WDTC1: variants seen among roughly 807,000 people sequenced by gnomAD.
The protein encoded by WDTC1 is WD and tetratricopeptide repeats protein 1.
In WDTC1, 12 loss-of-function variants were observed where a neutral mutation model predicts 76.0. The observed-to-expected ratio is 0.16, with a 90% CI of 0.10 to 0.26. The LOEUF (loss-of-function observed/expected upper bound fraction) is 0.26, where lower values mean the gene tolerates loss of function less well. Among genes scored for constraint, WDTC1 ranks in the 10% least tolerant of loss-of-function variants. The probability of loss-of-function intolerance (pLI) is 1.00; values close to 1 mark genes in which losing one functional copy is unlikely to be tolerated. For missense variants in WDTC1, 511 were observed against 908.8 expected (o/e 0.56, Z 5.63); for synonymous variants, 326 against 350.8 (o/e 0.93, Z 0.79).
intron 1 of WDTC1, among the ~76,000 whole-genome samples, chr1:27,235,972 G>C (rs2147892450): frequency 6.6e-6 from 1 of 152,190 alleles, no homozygotes; most frequent in African/African-American, 2.4e-5. Context: ...TTCTAACAAA[G>C]CCTGAAACCG....
intron 1 of WDTC1, 52 bp from the exon 2 acceptor site, chr1:27,260,904 G>C: frequency 2.4e-6 from 2 of 850,770 alleles, no homozygotes; most frequent in Non-Finnish European, 1.8e-6. Flanking sequence ...ATTAGGTCTT[G>C]GGAGTCACTT....
At chr1:27,298,193 A>C in intron 12 of WDTC1, 82 bp downstream of exon 12, 1 of 1,462,770 alleles carries the variant, frequency 6.8e-7, no homozygotes, top group Admixed American at 2.4e-5. Flanking sequence ...TGATGGAGCC[A>C]AGTTGCCAAG....
Position 27,305,285 on chromosome 1 carries a change from C to G in WDTC1, c.1836+92C>G, listed in dbSNP as rs1283452926. On this transcript the variant is annotated intron_variant, in intron 15 of 15. Transcript: ENST00000319394. The surrounding 1 kb of genome is among the most constrained non-coding windows in gnomAD (Gnocchi z 4.6). Reference sequence around the variant, plus strand: ...AGCGCAGGGAAGAGAAATGAGCCACCCAGAGGCTAGAAGCTGCTAAGTAAG... The same window carrying G: ...AGCGCAGGGAAGAGAAATGAGCCACGCAGAGGCTAGAAGCTGCTAAGTAAG... 13 of 1,440,962 alleles carry G rather than the reference C, an allele frequency of 9.0e-6. No homozygotes were observed. Among genetic ancestry groups the G allele is most frequent in the Non-Finnish European group, 1.2e-5 (13 of 1,086,362 alleles). The allele number at this position is 1,440,962 out of a possible 1,614,324, so 89.3% of individuals were successfully genotyped here.
Position 27,261,058 on chromosome 1 carries a change from G to A in WDTC1, c.4G>A (p.Ala2Thr), listed in dbSNP as rs2012462720. 2 of 1,614,072 alleles carry A rather than the reference G, an allele frequency of 1.2e-6. No homozygotes were observed. The highest frequency in any genetic ancestry group is 4.5e-5 in the East Asian group (2 of 44,876). M[A>T]KVNITRDLIR... ...TCTGTTGAACCATTAAGAAAAGATGGCGAAAGTCAACATAACTAGAGACCT... is the reference window on the plus strand; with the variant it reads ...TCTGTTGAACCATTAAGAAAAGATGACGAAAGTCAACATAACTAGAGACCT... Residue 2 changes from alanine to threonine, a missense_variant, in exon 2 of 16, where the codon GCG becomes ACG. By Grantham distance (58) the Ala-to-Thr change is moderately conservative (BLOSUM62 0). Transcript: ENST00000319394.
chr1:27,275,129 A>G (rs1016007800), intron 3 of WDTC1, among the ~76,000 whole-genome samples: 3 of 152,272 alleles, frequency 2.0e-5, no homozygotes, highest in Non-Finnish European at 2.9e-5. Context: ...TCCTTAAACA[A>G]TTGCAAACAT....
At position 27,263,187 on chromosome 1, in the gene WDTC1, T is replaced by C; in HGVS notation, c.84T>C (p.His28=). Residue 28 remains histidine (H), a synonymous_variant, in exon 3 of 16, where the codon CAT becomes CAC. Transcript: ENST00000319394. ...CCCTGAGCTTTGAGCGGCGCTACCA[T>C]GTCACTGACCCCTTTATCCGGCGGC... ...RGALSFERRY[H]VTDPFIRRLG... 6.2e-7 allele frequency: 1 copy of C among 1,613,638 alleles called. No individual in the cohort carries two copies. The highest frequency in any genetic ancestry group is 1.7e-4 in the Middle Eastern group (1 of 5,964).
chr1:27,296,731 A>C (rs1321186983), intron 10 of WDTC1, among the ~76,000 whole-genome samples: 1 of 138,898 alleles, frequency 7.2e-6, no homozygotes, highest in African/African-American at 2.7e-5. Flanking sequence ...CAGTTGATTT[A>C]GGCACCTCCT....
intron 1 of WDTC1, among the ~76,000 whole-genome samples, chr1:27,255,272 T>A (rs1008915674): frequency 5.3e-5 from 8 of 152,170 alleles, no homozygotes; most frequent in African/African-American, 1.9e-4. Flanking sequence ...TAGTGATTGC[T>A]ACTCTAGGAA....
rs7514133 is a variant in WDTC1 at position 27,234,868 on chromosome 1, T to A, written c.-183T>A. The stretch of plus-strand genomic sequence containing the variant: ...CCCCTCCCCGGGATCCGCGCCCCCC[T>A]TCCCGGGAGAGGGGCCGCCCCCCCC... On this transcript the variant is annotated 5_prime_UTR_variant, in exon 1 of 16. Coordinates refer to ENST00000319394, the MANE Select transcript of WDTC1 (RefSeq NM_001276252.2). The A allele has an allele frequency of 1.3e-3, 498 of 396,590 alleles. 5 individuals carry two copies. In the East Asian group the frequency reaches 0.017, roughly 14 times the overall value. 24.6% of individuals were successfully genotyped at this position (396,590 alleles called of 1,614,324 possible).
At chr1:27,277,991 T>C (rs1022564435) in intron 3 of WDTC1, among the ~76,000 whole-genome samples, 13 of 152,010 alleles carry the variant, frequency 8.6e-5, no homozygotes, top group African/African-American at 3.1e-4. Flanking sequence ...CAGGCATGCA[T>C]GATGACACCC....
At chr1:27,281,002 CTCT>C (rs1468486694) in intron 3 of WDTC1, among the ~76,000 whole-genome samples, 1 of 151,662 alleles carries the variant, frequency 6.6e-6, no homozygotes, top group East Asian at 1.9e-4. Context: ...GAGTCTCTCT[CTCT>C]TTTTTTTCAA....
chr1:27,239,354 C>T (rs755630866), intron 1 of WDTC1, among the ~76,000 whole-genome samples: 1 of 150,108 alleles, frequency 6.7e-6, no homozygotes, highest in Non-Finnish European at 1.5e-5. Flanking sequence ...CCAGTCTCTA[C>T]AAAAAGAAAA....
At chr1:27,236,538 T>C (rs1260721038) in intron 1 of WDTC1, among the ~76,000 whole-genome samples, 2 of 152,202 alleles carry the variant, frequency 1.3e-5, no homozygotes, top group African/African-American at 4.8e-5. Flanking sequence ...GACACCTTCA[T>C]TGAGGGTCAC....
At chr1:27,279,155 C>G (rs147553437) in intron 3 of WDTC1, among the ~76,000 whole-genome samples, 1 of 152,322 alleles carries the variant, frequency 6.6e-6, no homozygotes, top group East Asian at 1.9e-4. Flanking sequence ...CTCTCTTACC[C>G]TACTAGAGTT....
intron 1 of WDTC1, among the ~76,000 whole-genome samples, chr1:27,254,552 G>A (rs1050442692): frequency 6.6e-6 from 1 of 151,838 alleles, no homozygotes; most frequent in Non-Finnish European, 1.5e-5. Flanking sequence ...GAGCTATCGC[G>A]CCACTGCACT....
At chr1:27,294,159 G>A (rs779321634) in intron 8 of WDTC1, 43 bp downstream of exon 8, 1 of 1,595,402 alleles carries the variant, frequency 6.3e-7, no homozygotes, top group Non-Finnish European at 8.6e-7. Context: ...TCGGCTAGAT[G>A]CTGACTCTTT....
At chr1:27,252,302 G>C (rs2012096575) in intron 1 of WDTC1, among the ~76,000 whole-genome samples, 1 of 151,338 alleles carries the variant, frequency 6.6e-6, no homozygotes, top group Admixed American at 6.6e-5. Context: ...CAGTGATGCA[G>C]TGATTGCACC....
intron 3 of WDTC1, among the ~76,000 whole-genome samples, chr1:27,264,501 C>G (rs918598793): frequency 8.6e-5 from 13 of 151,944 alleles, no homozygotes; most frequent in African/African-American, 2.9e-4. Context: ...CAAGTTTGTC[C>G]TGTCCTGTCC....
chr1:27,242,440 C>T (rs1413099075), intron 1 of WDTC1, among the ~76,000 whole-genome samples: 1 of 152,060 alleles, frequency 6.6e-6, no homozygotes, highest in Non-Finnish European at 1.5e-5. Context: ...CATTCCATTC[C>T]AGCCTGGGGA....
Sources: allele counts gnomAD v4.1 joint callset (sites outside exome capture counted in the v4.1 genomes callset), GRCh38; gene constraint gnomAD v4.1.1; non-coding constraint Gnocchi (gnomAD v3.1); transcripts MANE v1.5; gene names NCBI Gene and HGNC (gene_info 2026-07-23, HGNC 2026-07-21).